The following BSG variants were observed in gnomAD, a reference collection of about 807,000 sequenced individuals.
BSG encodes the protein basigin (Ok blood group), also known as basigin.
Under a neutral mutation model 43.1 loss-of-function variants are expected in BSG, and 37 were observed. The ratio of observed to expected loss-of-function variants is 0.86; its 90% CI spans 0.66 to 1.13. BSG has a LOEUF of 1.13. Among genes scored for constraint, BSG ranks in the 50% most tolerant of loss-of-function variants. BSG has a pLI of 0.00. For missense variants in BSG, 599 were observed against 554.2 expected (o/e 1.08, Z -0.81); for synonymous variants, 309 against 238.7 (o/e 1.29, Z -2.72).
Position 578,668 on chromosome 19 carries a change from G to T in BSG, c.415+547G>T, listed in dbSNP as rs28921986. ...AGTGCCGTCAGCCTGGGGCTGGGGG[G>T]ATGTGGGGCCACCTGAGTGCCTCCT... On this transcript the variant is annotated intron_variant, in intron 2 of 8. Coordinates refer to ENST00000333511, the MANE Select transcript of BSG (RefSeq NM_001728.4). Among the ~76,000 whole-genome samples, 1,191 of 152,270 alleles carry T rather than the reference G, an allele frequency of 7.8e-3. 16 individuals carry two copies. Among genetic ancestry groups the T allele is most frequent in the African/African-American group, 0.028 (1,154 of 41,544 alleles).
chr19:573,480 C>T (rs1325466170), intron 1 of BSG, among the ~76,000 whole-genome samples: 1 of 152,154 alleles, frequency 6.6e-6, no homozygotes, highest in African/African-American at 2.4e-5. Flanking sequence ...CCGTTCTTCA[C>T]GGGATTTAGC....
chr19:571,722 G>A, upstream of BSG: 1 of 692,994 alleles, frequency 1.4e-6, no homozygotes, highest in Non-Finnish European at 2.7e-6. Context: ...CTGCCTGCGT[G>A]GGATGCAATC....
Position 572,698 on chromosome 19 carries a change from G to A in BSG, c.64G>A (p.Ala22Thr). 2.7e-6 allele frequency: 4 copies of A among 1,482,104 alleles called. No individual in the cohort carries two copies. Among genetic ancestry groups the A allele is most frequent in the Non-Finnish European group, 3.6e-6 (4 of 1,110,828 alleles). The allele number at this position is 1,482,104 out of a possible 1,614,324, so 91.8% of individuals were successfully genotyped here. Residue 22 changes from alanine to threonine, a missense_variant, in exon 1 of 9, where the codon GCT becomes ACT. Physicochemically the swap from Ala to Thr is moderately conservative, Grantham distance 58 (BLOSUM62 0). Transcript: ENST00000333511. ...ALLGTHGASG[A>T]AGFVQAPLSQ... ...GCTGGGCACCCACGGAGCCTCCGGG[G>A]CTGGTGAGGAGCGGGTAGGGGGCGG...
At chr19:579,409 C>T in intron 2 of BSG, 91 bp from the exon 3 acceptor site, 1 of 1,554,054 alleles carries the variant, frequency 6.4e-7, no homozygotes, top group Non-Finnish European at 8.8e-7. Context: ...CCAGTCCTTC[C>T]CGGGGAGGAG....
At chr19:579,069 T>G (rs1192653289) in intron 2 of BSG, 1 of 458,298 alleles carries the variant, frequency 2.2e-6, no homozygotes, top group Non-Finnish European at 4.4e-6. Context: ...GAAAAGAATT[T>G]CCAGTTTGTG....
In BSG at chr19:578,000, CGTG is replaced by C; in HGVS notation, c.296_298del (p.Val99del). ...CCAGCACCATCTCCATCGACACGCTCGTGGAGGAGGACACGGGCACTTACGAGT... is the reference window on the plus strand; with the variant it reads ...CCAGCACCATCTCCATCGACACGCTCGAGGAGGACACGGGCACTTACGAGT... On this transcript the variant is annotated inframe_deletion, in exon 2 of 9. Transcript: ENST00000333511. 1 of 1,612,156 alleles carries C rather than the reference CGTG, an allele frequency of 6.2e-7. No individual in the cohort carries two copies. Among genetic ancestry groups the C allele is most frequent in the Non-Finnish European group, 8.5e-7 (1 of 1,179,676 alleles).
intron 2 of BSG, 197 bp from the exon 3 acceptor site, chr19:579,303 G>T (rs966830339): frequency 2.6e-6 from 2 of 762,870 alleles, no homozygotes; most frequent in Non-Finnish European, 4.5e-6. Flanking sequence ...CTCAGCAGGC[G>T]CTGGGCTCTT....
chr19:571,397 G>A (rs28989772), upstream of BSG: 42,971 of 642,618 alleles, frequency 0.067, 1,942 homozygotes, highest in Admixed American at 0.15. Flanking sequence ...CAACCTCCAA[G>A]AGACGCCCCC....
chr19:579,157 T>C (rs28921990), intron 2 of BSG: 67,668 of 483,806 alleles, frequency 0.14, 5,942 homozygotes, highest in South Asian at 0.26. Flanking sequence ...CCCCACACCC[T>C]GGTCCCAGCC....
At chr19:571,615 C>G, upstream of BSG, 1 of 779,444 alleles carries the variant, frequency 1.3e-6, no homozygotes, top group Admixed American at 1.7e-5. Flanking sequence ...GAATGGGATC[C>G]AAATGGGATA....
At chr19:571,616 A>C (rs1568344789), upstream of BSG, 2 of 779,502 alleles carry the variant, frequency 2.6e-6, no homozygotes, top group Non-Finnish European at 4.8e-6. Context: ...AATGGGATCC[A>C]AATGGGATAT....
intron 1 of BSG, among the ~76,000 whole-genome samples, chr19:573,173 C>T (rs1981436712): frequency 6.6e-6 from 1 of 152,154 alleles, no homozygotes; most frequent in Non-Finnish European, 1.5e-5. Context: ...GTGAGCGTCC[C>T]CTTTGGCCTG....
intron 1 of BSG, among the ~76,000 whole-genome samples, chr19:575,647 G>T (rs535755097): frequency 1.1e-3 from 171 of 151,464 alleles, no homozygotes; most frequent in Middle Eastern, 6.9e-3. Context: ...GCCTTATCCT[G>T]CGGGGCTGCT....
Position 581,321 on chromosome 19 carries a change from A to G in BSG, c.799A>G (p.Met267Val), listed in dbSNP as rs777224765. The part of the protein sequence containing the change: ...KITDSEDKAL[M>V]NGSESRFFVS... The stretch of plus-strand genomic sequence containing the variant: ...CTTGCCTTTGGTCCCCTAGGCCCTC[A>G]TGAACGGCTCCGAGAGCAGGTTCTT... The change falls in exon 6 of 9, where the codon ATG becomes GTG. Residue 267 changes from methionine (M) to valine (V), a missense_variant. Coordinates refer to ENST00000333511, the MANE Select transcript of BSG (RefSeq NM_001728.4). The G allele has an allele frequency of 1.9e-6, 3 of 1,612,022 alleles. No homozygotes were observed. Among genetic ancestry groups the G allele is most frequent in the Admixed American group, 3.3e-5 (2 of 59,968 alleles).
chr19:574,820 C>T (rs1981621422), intron 1 of BSG, among the ~76,000 whole-genome samples: 1 of 152,158 alleles, frequency 6.6e-6, no homozygotes, highest in Non-Finnish European at 1.5e-5. Context: ...AGGGCCTGGC[C>T]CCAGCACTGC....
At chr19:571,712 C>A, upstream of BSG, 1 of 702,910 alleles carries the variant, frequency 1.4e-6, no homozygotes, top group Non-Finnish European at 2.6e-6. Flanking sequence ...CGGAAGGGGG[C>A]TGCCTGCGTG....
chr19:579,202 G>T, intron 2 of BSG: 3 of 532,354 alleles, frequency 5.6e-6, no homozygotes, highest in Non-Finnish European at 1.1e-5. Flanking sequence ...CGCCAGGCGG[G>T]GCCTCTGGGT....
At chr19:575,632 G>A (rs945123981) in intron 1 of BSG, among the ~76,000 whole-genome samples, 1 of 150,124 alleles carries the variant, frequency 6.7e-6, no homozygotes, top group Non-Finnish European at 1.5e-5. Flanking sequence ...GGGTGGGGGC[G>A]GGCAGCCTTA....
At chr19:578,354 G>A (rs1020153075) in intron 2 of BSG, 6 of 447,508 alleles carry the variant, frequency 1.3e-5, no homozygotes, top group Non-Finnish European at 2.4e-5. Context: ...CCTCCAGCAG[G>A]TGGGTCCTCG....
Sources: gnomAD v4.1 joint callset for allele counts (sites outside exome capture counted in the v4.1 genomes callset) on GRCh38, gnomAD v4.1.1 for gene constraint, MANE v1.5 for transcripts, NCBI Gene and HGNC (gene_info 2026-07-23, HGNC 2026-07-21) for gene names.